MAP1LC3B: variants seen among roughly 807,000 people sequenced by gnomAD.
MAP1LC3B encodes microtubule-associated protein 1 light chain 3 beta.
In MAP1LC3B, 12 loss-of-function variants were observed where a neutral mutation model predicts 16.7. The observed-to-expected ratio is 0.72, with a 90% confidence interval of 0.46 to 1.16. MAP1LC3B has a LOEUF of 1.16. Ranked by LOEUF, MAP1LC3B falls within the 50% of genes most tolerant of loss-of-function variation. The pLI, the probability that MAP1LC3B is intolerant of heterozygous loss-of-function variation, is 0.00. For synonymous variants in MAP1LC3B, 63 were observed against 56.5 expected, an observed-to-expected ratio of 1.11 and a Z score of -0.51; for missense variants, 155 against 159.5, an observed-to-expected ratio of 0.97 and a Z score of 0.15.
intron 1 of MAP1LC3B, 66 bp from the exon 2 acceptor site, chr16:87,398,749 A>C (rs1173626661): frequency 7.1e-7 from 1 of 1,413,524 alleles, no homozygotes; most frequent in Non-Finnish European, 1.0e-6. Context: ...ATGGAGAACC[A>C]GCAGCAGTGC....
In MAP1LC3B at chr16:87,404,216, T is replaced by A. The variant is rs765103159; in HGVS notation, c.*1119T>A. 8 of 152,204 alleles carry A rather than the reference T, an allele frequency of 5.3e-5. No individual in the cohort carries two copies. Among genetic ancestry groups the A allele is most frequent in the Admixed American group, 1.3e-4 (2 of 15,286 alleles). The allele number at this position is 152,204 out of a possible 1,614,324, so 9.4% of individuals were successfully genotyped here. ...AGATACTAATGTCAAGAGTTAAACC[T>A]CCTCAGGTTCAACCTGTGATAAAAG... On this transcript the variant is annotated 3_prime_UTR_variant, in exon 4 of 4. Transcript: ENST00000268607.
intron 1 of MAP1LC3B, chr16:87,392,857 G>C (rs1907644856): frequency 6.6e-6 from 1 of 151,922 alleles, no homozygotes; most frequent in Admixed American, 6.5e-5. Context: ...GGCGAGGGTC[G>C]CGCTTCTGGG....
chr16:87,401,511 T>C (rs1380623130), intron 2 of MAP1LC3B, among the ~76,000 whole-genome samples: 1 of 152,208 alleles, frequency 6.6e-6, no homozygotes, highest in Non-Finnish European at 1.5e-5. Context: ...GGAGGCATTT[T>C]GTATATTTTT....
At chr16:87,402,549 TACA>T in intron 3 of MAP1LC3B, 1 of 554,456 alleles carries the variant, frequency 1.8e-6, no homozygotes, top group East Asian at 3.0e-5. Context: ...AAATCAGTGT[TACA>T]AGTTATTAAG....
intron 1 of MAP1LC3B, 101 bp from the exon 2 acceptor site, chr16:87,398,714 T>G (rs1907887571): frequency 2.0e-6 from 2 of 989,442 alleles, no homozygotes; most frequent in East Asian, 4.8e-5. Flanking sequence ...TGTTCTGCTG[T>G]GCCACAGCTA....
rs894166410 is a variant in MAP1LC3B at position 87,392,621 on chromosome 16, C to G, written c.40+154C>G. 6.0e-6 allele frequency: 4 copies of G among 667,788 alleles called. No individual in the cohort carries two copies. The African/African-American group carries it at 7.7e-5, about 13-fold the overall frequency. The allele number at this position is 667,788 out of a possible 1,614,324, so 41.4% of individuals were successfully genotyped here. The stretch of plus-strand genomic sequence containing the variant: ...CCGGCGGGGCCGAGGGATGCGGGGC[C>G]CGGGGCCCCGTGAGGGACCCAGGCC... On this transcript the variant is annotated intron_variant, in intron 1 of 3. Coordinates refer to ENST00000268607, the MANE Select transcript of MAP1LC3B (RefSeq NM_022818.5).
chr16:87,402,850 G>T, intron 3 of MAP1LC3B, 73 bp from the exon 4 acceptor site: 1 of 1,560,014 alleles, frequency 6.4e-7, no homozygotes, highest in Non-Finnish European at 8.8e-7. Context: ...ATCAGAGTGG[G>T]TGATATTTTA....
chr16:87,402,868 C>G, intron 3 of MAP1LC3B, 55 bp from the exon 4 acceptor site: 1 of 1,600,396 alleles, frequency 6.2e-7, no homozygotes, highest in Non-Finnish European at 8.5e-7. Context: ...TTAACACATG[C>G]TTCATCCTTC....
At chr16:87,399,445 C>A (rs1907910508) in intron 2 of MAP1LC3B, 1 of 314,328 alleles carries the variant, frequency 3.2e-6, no homozygotes, top group Non-Finnish European at 6.3e-6. Context: ...CTCAAACTTA[C>A]CAAGGAAAGT....
rs1405760050 is a variant in MAP1LC3B at position 87,404,299 on chromosome 16, C to G, written c.*1202C>G. On this transcript the variant is annotated 3_prime_UTR_variant, in exon 4 of 4. Transcript: ENST00000268607. ...CTATTTATAGTTTTCTTGGGAGTATCACAGGAAAATCACAATTACACCACT... is the reference window on the plus strand; with the variant it reads ...CTATTTATAGTTTTCTTGGGAGTATGACAGGAAAATCACAATTACACCACT... The G allele has an allele frequency of 6.6e-6, 1 of 152,204 alleles. No individual in the cohort carries two copies. The highest frequency in any genetic ancestry group is 2.4e-5 in the African/African-American group (1 of 41,452). The allele number at this position is 152,204 out of a possible 1,614,324, so 9.4% of individuals were successfully genotyped here. A position where few individuals can be genotyped will look rare whatever the true frequency, so the allele number is the denominator to read the frequency against.
chr16:87,401,083 A>G lies in MAP1LC3B; in HGVS notation c.97-1092A>G, dbSNP rs373670485. Among the ~76,000 whole-genome samples, 607 of 147,432 alleles carry G rather than the reference A, an allele frequency of 4.1e-3. 3 individuals carry two copies. Among genetic ancestry groups the G allele is most frequent in the African/African-American group, 0.014 (572 of 40,098 alleles). On this transcript the variant is annotated intron_variant, in intron 2 of 3. Transcript: ENST00000268607. The stretch of plus-strand genomic sequence containing the variant: ...GGGAGTCGGAGGTTGCAGTGAGCCA[A>G]GATCGTGCCACTGCATTCCAGCCTG...
chr16:87,392,427 C>T lies in MAP1LC3B; in HGVS notation c.-1C>T, dbSNP rs1162340015. ...GCCGCCGCCGCCCAGATCCCTGCAC[C>T]ATGCCGTCGGAGAAGACCTTCAAGC... On this transcript the variant is annotated 5_prime_UTR_variant, in exon 1 of 4. Coordinates refer to ENST00000268607, the MANE Select transcript of MAP1LC3B (RefSeq NM_022818.5). The T allele has an allele frequency of 9.8e-6, 14 of 1,422,604 alleles. No individual in the cohort carries two copies. The highest frequency in any genetic ancestry group is 1.3e-5 in the Non-Finnish European group (14 of 1,097,640). The allele number at this position is 1,422,604 out of a possible 1,614,324, so 88.1% of individuals were successfully genotyped here. A position where few individuals can be genotyped will look rare whatever the true frequency, so the allele number is the denominator to read the frequency against.
At chr16:87,397,995 A>G (rs1356447006) in intron 1 of MAP1LC3B, among the ~76,000 whole-genome samples, 1 of 151,694 alleles carries the variant, frequency 6.6e-6, no homozygotes, top group Non-Finnish European at 1.5e-5. Context: ...GAAATTATCA[A>G]TAAGTGATTC....
rs766258510 is a variant in MAP1LC3B at position 87,402,274 on chromosome 16, A to G, written c.196A>G (p.Ile66Val). 2 of 1,613,718 alleles carry G rather than the reference A, an allele frequency of 1.2e-6. No individual in the cohort carries two copies. The highest frequency in any genetic ancestry group is 2.2e-5 in the East Asian group (1 of 44,886). ...DHVNMSELIK[I>V]IRRRLQLNAN... ...TGTCAACATGAGTGAGCTCATCAAG[A>G]TAATTAGGTATTCAGTCACCTTTGT... The change falls in exon 3 of 4, where the codon ATA (isoleucine) becomes GTA (valine). Residue 66 changes from isoleucine (I) to valine (V), a missense_variant. Ile to Val is a conservative substitution (Grantham distance 29). Coordinates refer to ENST00000268607, the MANE Select transcript of MAP1LC3B (RefSeq NM_022818.5).
chr16:87,393,719 G>A (rs527348519), intron 1 of MAP1LC3B, among the ~76,000 whole-genome samples: 34 of 151,240 alleles, frequency 2.2e-4, no homozygotes, highest in African/African-American at 6.9e-4. Context: ...TGAGCCCTGA[G>A]AGCAGCATTA....
At position 87,402,965 on chromosome 16, in the gene MAP1LC3B, G is replaced by T; in HGVS notation, c.246G>T (p.Leu82Phe). 1 of 1,613,956 alleles carries T rather than the reference G, an allele frequency of 6.2e-7. No individual in the cohort carries two copies. Among genetic ancestry groups the T allele is most frequent in the Non-Finnish European group, 8.5e-7 (1 of 1,179,880 alleles). Residue 82 changes from leucine to phenylalanine, a missense_variant, in exon 4 of 4, where the codon TTG becomes TTT. Transcript: ENST00000268607. ...QLNANQAFFL[L>F]VNGHSMVSVS... ...ATGCTAATCAGGCCTTCTTCCTGTT[G>T]GTGAACGGACACAGCATGGTCAGCG...
intron 1 of MAP1LC3B, among the ~76,000 whole-genome samples, chr16:87,396,499 C>T (rs906741223): frequency 6.6e-6 from 1 of 152,018 alleles, no homozygotes. Context: ...AATTCTTTCC[C>T]CTCTGCCTGA....
In MAP1LC3B at chr16:87,392,364, C is replaced by T. The variant is rs1053819752; in HGVS notation, c.-64C>T. On this transcript the variant is annotated 5_prime_UTR_variant, in exon 1 of 4. Transcript: ENST00000268607. Reference sequence around the variant, plus strand: ...GTCGGATTCGCCGCCGCAGCAGCCGCCGCCCCCGGGAGCCGCCGGGACCCT... The same window carrying T: ...GTCGGATTCGCCGCCGCAGCAGCCGTCGCCCCCGGGAGCCGCCGGGACCCT... The T allele has an allele frequency of 3.7e-6, 5 of 1,366,778 alleles. No homozygotes were observed. The highest frequency in any genetic ancestry group is 4.7e-6 in the Non-Finnish European group (5 of 1,065,752). The allele number at this position is 1,366,778 out of a possible 1,614,324, so 84.7% of individuals were successfully genotyped here.
chr16:87,398,395 C>T (rs554315366), intron 1 of MAP1LC3B, among the ~76,000 whole-genome samples: 1 of 152,264 alleles, frequency 6.6e-6, no homozygotes, highest in Non-Finnish European at 1.5e-5. Context: ...AATTGCATTT[C>T]CTGGTTTATA....
Sources: gnomAD v4.1 joint callset for allele counts (sites outside exome capture counted in the v4.1 genomes callset) on GRCh38, gnomAD v4.1.1 for gene constraint, MANE v1.5 for transcripts, NCBI Gene and HGNC (gene_info 2026-07-23, HGNC 2026-07-21) for gene names.